The following PARD3B variants were observed in gnomAD, a reference collection of about 807,000 sequenced individuals.
PARD3B encodes the protein partitioning defective 3 homolog B.
PARD3B carries 103 observed loss-of-function variants against 130.2 expected under a neutral mutation model. That is an observed-to-expected ratio of 0.79 (90% CI 0.67 to 0.93). PARD3B has a LOEUF of 0.93. PARD3B is among the 40% of genes least tolerant of loss of function. PARD3B has a pLI of 0.00. For synonymous variants in PARD3B, 583 were observed against 553.2 expected, an observed-to-expected ratio of 1.05 and a Z score of -0.76; for missense variants, 1,609 against 1,499.2, an observed-to-expected ratio of 1.07 and a Z score of -1.21.
chr2:205,302,062 T>TTAC (rs2042024889), intron 18 of PARD3B, among the ~76,000 whole-genome samples: 1 of 99,088 alleles, frequency 1.0e-5, no homozygotes, highest in Non-Finnish European at 2.0e-5. Flanking sequence ...TCTTTTTTCT[T>TTAC]TTCTTTTTTT....
At chr2:205,320,196 AG>A (rs2042702533) in intron 18 of PARD3B, among the ~76,000 whole-genome samples, 1 of 124,532 alleles carries the variant, frequency 8.0e-6, no homozygotes, top group African/African-American at 3.0e-5. Flanking sequence ...AGAGAGAGGA[AG>A]GGAAGGGAGG....
At position 204,558,357 on chromosome 2, in the gene PARD3B, A is replaced by G. The variant is rs573155088; in HGVS notation, c.120+12238A>G. Among the ~76,000 whole-genome samples, 12 of 152,334 alleles carry G rather than the reference A, an allele frequency of 7.9e-5. No individual in the cohort carries two copies. In the East Asian group the frequency reaches 2.1e-3, roughly 27 times the overall value. The stretch of plus-strand genomic sequence containing the variant: ...AGCAACTTCAGCAAAGTCTCAGGAT[A>G]CAAAATCAGTGTGCAAAAATCATAA... On this transcript the variant is annotated intron_variant, in intron 1 of 22. Coordinates refer to ENST00000406610, the MANE Select transcript of PARD3B (RefSeq NM_001302769.2).
intron 3 of PARD3B, among the ~76,000 whole-genome samples, chr2:205,028,575 T>G (rs1697197585): frequency 6.6e-6 from 1 of 152,042 alleles, no homozygotes; most frequent in South Asian, 2.1e-4. Flanking sequence ...CTGAGTGAGG[T>G]CCCACTAGCG....
At chr2:205,539,171 G>A (rs2052006833) in intron 21 of PARD3B, among the ~76,000 whole-genome samples, 2 of 152,118 alleles carry the variant, frequency 1.3e-5, no homozygotes, top group Admixed American at 6.5e-5. Context: ...AGGAGTGATG[G>A]TGCTTTTAGG....
intron 18 of PARD3B, among the ~76,000 whole-genome samples, chr2:205,302,607 C>A (rs1306369228): frequency 1.3e-5 from 2 of 152,176 alleles, no homozygotes; most frequent in African/African-American, 4.8e-5. Flanking sequence ...AGTGGGGAAG[C>A]CCTATGTGTT....
Position 205,615,838 on chromosome 2 carries a change from G to T in PARD3B, c.*25G>T, listed in dbSNP as rs2055416448. On this transcript the variant is annotated 3_prime_UTR_variant, in exon 23 of 23. Coordinates refer to ENST00000406610, the MANE Select transcript of PARD3B (RefSeq NM_001302769.2). The stretch of plus-strand genomic sequence containing the variant: ...GCTGAGTGCCACCGAGGCCAGCCCG[G>T]TCCAGAAAGGAAGGTGTCTACTCTA... The T allele has an allele frequency of 6.4e-7, 1 of 1,570,608 alleles. No homozygotes were observed. The highest frequency in any genetic ancestry group is 2.2e-5 in the East Asian group (1 of 44,544).
intron 21 of PARD3B, among the ~76,000 whole-genome samples, chr2:205,523,462 G>C (rs750507432): frequency 1.3e-5 from 2 of 151,352 alleles, no homozygotes; most frequent in African/African-American, 4.8e-5. Flanking sequence ...CAGGCTGGTC[G>C]TACCATATTT....
rs1045381197 is a variant in PARD3B, at chr2:205,460,416, G to A, written c.3044+19744G>A. Among the ~76,000 whole-genome samples, 9 of 151,780 alleles carry A rather than the reference G, an allele frequency of 5.9e-5. No individual in the cohort carries two copies. The highest frequency in any genetic ancestry group is 1.0e-4 in the Non-Finnish European group (7 of 67,950). ...TAGTGATGATGATGATGATGATGAT[G>A]ATGATGATGATGATGATGATAGTCA... On this transcript the variant is annotated intron_variant, in intron 20 of 22. Transcript: ENST00000406610. This position sits in a 1 kb window ranked among gnomAD's most constrained non-coding sequence, Gnocchi z 4.9.
intron 1 of PARD3B, among the ~76,000 whole-genome samples, chr2:204,577,949 C>A (rs1163156303): frequency 6.6e-6 from 1 of 152,050 alleles, no homozygotes; most frequent in Non-Finnish European, 1.5e-5. Context: ...TGGCTTTGTC[C>A]CCTAGGACAT....
intron 3 of PARD3B, among the ~76,000 whole-genome samples, chr2:205,025,456 G>A (rs569306664): frequency 6.6e-6 from 1 of 152,276 alleles, no homozygotes; most frequent in South Asian, 2.1e-4. Flanking sequence ...TATTATCTTG[G>A]AGGAATTGTC....
At chr2:205,391,868 C>A (rs1480915868) in intron 18 of PARD3B, among the ~76,000 whole-genome samples, 1 of 151,404 alleles carries the variant, frequency 6.6e-6, no homozygotes, top group Admixed American at 6.6e-5. Context: ...CCCTTTTTTT[C>A]CCCCTAACAG....
At chr2:204,857,413 C>T (rs960234631) in intron 2 of PARD3B, among the ~76,000 whole-genome samples, 12 of 152,022 alleles carry the variant, frequency 7.9e-5, no homozygotes, top group Admixed American at 5.2e-4. Context: ...TGTTTTCTCA[C>T]CCATTTCTAG....
intron 1 of PARD3B, among the ~76,000 whole-genome samples, chr2:204,573,959 T>A (rs1315635374): frequency 1.3e-5 from 2 of 152,192 alleles, no homozygotes; most frequent in Admixed American, 6.5e-5. Flanking sequence ...TCCAAGTATG[T>A]CTTAGCAGCC....
At chr2:204,835,179 G>A (rs922284828) in intron 2 of PARD3B, among the ~76,000 whole-genome samples, 12 of 152,200 alleles carry the variant, frequency 7.9e-5, no homozygotes, top group Non-Finnish European at 1.3e-4. Context: ...AATGCACTTT[G>A]TGCAGATAAG....
rs146800975 is a variant in PARD3B at position 205,352,453 on chromosome 2, A to G, written c.2631-48560A>G. Among the ~76,000 whole-genome samples the G allele has an allele frequency of 2.0e-5, 3 of 152,312 alleles. No individual in the cohort carries two copies. Among genetic ancestry groups the G allele is most frequent in the East Asian group, 3.9e-4 (2 of 5,184 alleles). ...AACTTCACAGTTCTAAGTCAGATCTATGCCAGTCACAGAATGAAATAATTT... is the reference window on the plus strand; with the variant it reads ...AACTTCACAGTTCTAAGTCAGATCTGTGCCAGTCACAGAATGAAATAATTT... On this transcript the variant is annotated intron_variant, in intron 18 of 22. Transcript: ENST00000406610. The surrounding 1 kb of genome is among the most constrained non-coding windows in gnomAD (Gnocchi z 5.2).
At chr2:205,068,055 C>G (rs1005910955) in intron 4 of PARD3B, among the ~76,000 whole-genome samples, 2 of 151,676 alleles carry the variant, frequency 1.3e-5, no homozygotes, top group Non-Finnish European at 2.9e-5. Flanking sequence ...TGTAGGGAAA[C>G]TTGATTGGGT....
intron 3 of PARD3B, among the ~76,000 whole-genome samples, chr2:205,032,872 A>T (rs1697524970): frequency 6.6e-6 from 1 of 152,204 alleles, no homozygotes; most frequent in Non-Finnish European, 1.5e-5. Flanking sequence ...GATAAATCAT[A>T]TAGATTTGTA....
At chr2:204,980,743 T>C (rs895555391) in intron 3 of PARD3B, among the ~76,000 whole-genome samples, 5 of 152,156 alleles carry the variant, frequency 3.3e-5, no homozygotes, top group Non-Finnish European at 5.9e-5. Flanking sequence ...ACAAGTCCTC[T>C]TCACAAAGTC....
At chr2:205,459,572 A>G (rs1363412151) in intron 20 of PARD3B, among the ~76,000 whole-genome samples, 1 of 152,188 alleles carries the variant, frequency 6.6e-6, no homozygotes, top group Non-Finnish European at 1.5e-5. Context: ...GAAACACTGA[A>G]AAGGTTAGTG....
Sources: gnomAD v4.1 joint callset for allele counts (sites outside exome capture counted in the v4.1 genomes callset) on GRCh38, gnomAD v4.1.1 for gene constraint, Gnocchi (gnomAD v3.1) non-coding constraint, MANE v1.5 for transcripts, NCBI Gene and HGNC (gene_info 2026-07-23, HGNC 2026-07-21) for gene names.